The following RBFOX1 variants were observed in gnomAD, a reference collection of about 807,000 sequenced individuals.
The protein encoded by RBFOX1 is RNA binding fox-1 homolog 1, also known as RNA binding protein fox-1 homolog 1.
RBFOX1 carries 8 observed loss-of-function variants against 57.7 expected under a neutral mutation model. The observed-to-expected ratio is 0.14, with a 90% CI of 0.08 to 0.25. RBFOX1 has a LOEUF of 0.25. RBFOX1 is among the 10% of genes least tolerant of loss of function. The pLI, the probability that RBFOX1 is intolerant of heterozygous loss-of-function variation, is 1.00. For synonymous variants in RBFOX1, 326 were observed against 222.4 expected (o/e 1.47, Z -4.15); for missense variants, 611 against 548.5 (o/e 1.11, Z -1.14).
chr16:6,539,511 C>G (rs554244462), intron 2 of RBFOX1, among the ~76,000 whole-genome samples: 1 of 152,100 alleles, frequency 6.6e-6, no homozygotes, highest in Admixed American at 6.5e-5. Context: ...AAAACACACA[C>G]GTACAGTCAG....
intron 3 of RBFOX1, among the ~76,000 whole-genome samples, chr16:5,642,509 C>A (rs1234600591): frequency 2.0e-5 from 3 of 152,188 alleles, no homozygotes; most frequent in African/African-American, 7.2e-5. Context: ...TTAAATGCTG[C>A]AATCTGAGGC....
intron 3 of RBFOX1, among the ~76,000 whole-genome samples, chr16:5,836,213 G>A (rs1339129489): frequency 6.6e-6 from 1 of 152,170 alleles, no homozygotes; most frequent in East Asian, 1.9e-4. Flanking sequence ...GTGAGGCTGG[G>A]CCCAGGGGAG....
At chr16:7,547,586 C>T (rs188645981) in intron 5 of RBFOX1, among the ~76,000 whole-genome samples, 1 of 152,158 alleles carries the variant, frequency 6.6e-6, no homozygotes, top group Admixed American at 6.5e-5. Flanking sequence ...AGTCAGTTGA[C>T]CACACTGCTG....
At chr16:7,529,300 C>A (rs1431495096) in intron 5 of RBFOX1, among the ~76,000 whole-genome samples, 1 of 152,168 alleles carries the variant, frequency 6.6e-6, no homozygotes, top group East Asian at 1.9e-4. Flanking sequence ...AACTCAAATA[C>A]TTTCACATCC....
chr16:5,277,427 T>C (rs904403756), intron 1 of RBFOX1, among the ~76,000 whole-genome samples: 1 of 151,450 alleles, frequency 6.6e-6, no homozygotes, highest in African/African-American at 2.4e-5. Context: ...AAATACCACC[T>C]GTTCCCTAAA....
intron 1 of RBFOX1, among the ~76,000 whole-genome samples, chr16:6,236,744 T>C (rs2097507880): frequency 6.6e-6 from 1 of 152,136 alleles, no homozygotes; most frequent in African/African-American, 2.4e-5. Flanking sequence ...AGCCACCACG[T>C]CTGGCCTTAT....
At chr16:6,450,613 A>G (rs907267505) in intron 2 of RBFOX1, among the ~76,000 whole-genome samples, 2 of 149,468 alleles carry the variant, frequency 1.3e-5, no homozygotes, top group African/African-American at 4.9e-5. Context: ...CCCTGTTTCC[A>G]TTTCTTTACT....
At chr16:6,750,498 TC>T (rs1193598550) in intron 3 of RBFOX1, among the ~76,000 whole-genome samples, 1 of 152,234 alleles carries the variant, frequency 6.6e-6, no homozygotes, top group African/African-American at 2.4e-5. Flanking sequence ...GACATATGTT[TC>T]TTGATACGCT....
chr16:5,256,507 G>A lies in RBFOX1; in HGVS notation c.219+16402G>A, dbSNP rs545151937. ...CTTCTCTCCCAGGACTGCTAGGAAG[G>A]CAAGATTAGATGGCAGATGAGAGCT... On this transcript the variant is annotated intron_variant, in intron 1 of 2. Coordinates refer to the RBFOX1 transcript ENST00000585867. Among the ~76,000 whole-genome samples the A allele has an allele frequency of 1.2e-3, 182 of 152,326 alleles. 1 individual carries two copies. The highest frequency in any genetic ancestry group is 4.2e-3 in the African/African-American group (175 of 41,576).
chr16:5,518,354 A>AT (rs76890519), intron 2 of RBFOX1, among the ~76,000 whole-genome samples: 50 of 151,778 alleles, frequency 3.3e-4, no homozygotes, highest in African/African-American at 1.0e-3. Context: ...CCAAAGTGAC[A>AT]TTTTTTTTGA....
chr16:7,431,586 CACGTA>C (rs2098680724), intron 4 of RBFOX1, among the ~76,000 whole-genome samples: 1 of 152,174 alleles, frequency 6.6e-6, no homozygotes, highest in African/African-American at 2.4e-5. Context: ...TGGTAAAATA[CACGTA>C]ACATAAAATG....
rs143803516 is a variant in RBFOX1, at chr16:5,363,242, G to A, written c.220-103974G>A. 1.2e-4 allele frequency among the ~76,000 whole-genome samples: 18 copies of A among 145,524 alleles called. No homozygotes were observed. In the East Asian group the frequency reaches 3.6e-3, roughly 29 times the overall value. ...GTATTTTTAGTAGAGACAGGATTTCGCCATGTTGGCAAGGCCGGTCTTGAA... is the reference window on the plus strand; with the variant it reads ...GTATTTTTAGTAGAGACAGGATTTCACCATGTTGGCAAGGCCGGTCTTGAA... On this transcript the variant is annotated intron_variant, in intron 1 of 2. Coordinates refer to the RBFOX1 transcript ENST00000585867.
chr16:6,793,921 A>G (rs1411691933), intron 3 of RBFOX1, among the ~76,000 whole-genome samples: 2 of 152,134 alleles, frequency 1.3e-5, no homozygotes, highest in African/African-American at 4.8e-5. Context: ...GCAGTAGTCC[A>G]GGGGAGTGAT....
chr16:5,675,255 TAGAA>T (rs1365972452), intron 3 of RBFOX1, among the ~76,000 whole-genome samples: 3 of 151,624 alleles, frequency 2.0e-5, no homozygotes, highest in Non-Finnish European at 2.9e-5. Flanking sequence ...CACACACACA[TAGAA>T]AGAGAGTGAA....
At chr16:5,808,828 A>G (rs4587981) in intron 3 of RBFOX1, among the ~76,000 whole-genome samples, 34,459 of 152,060 alleles carry the variant, frequency 0.23, 4,522 homozygotes, top group East Asian at 0.48. Flanking sequence ...GGCTGAGACA[A>G]TGGGGTTTTC....
intron 2 of RBFOX1, chr16:6,576,895 A>C (rs762733700): frequency 1.3e-5 from 2 of 152,338 alleles, no homozygotes; most frequent in Non-Finnish European, 1.5e-5. Context: ...CTAATAATTT[A>C]TGTTCCTCAT....
Position 6,611,511 on chromosome 16 carries a change from G to GCC in RBFOX1, c.-63-43088_-63-43087dup, listed in dbSNP as rs542343017. ...GGAGAGGTCTCCTTGGATGCTCTTT[G>GCC]CCCCCGTGTGATTCTGGTACTCATA... On this transcript the variant is annotated intron_variant, in intron 2 of 15. Coordinates refer to ENST00000550418, the MANE Select transcript of RBFOX1 (RefSeq NM_018723.4). Among the ~76,000 whole-genome samples, 518 of 152,154 alleles carry GCC rather than the reference G, an allele frequency of 3.4e-3. 3 individuals are homozygous for GCC. The highest frequency in any genetic ancestry group is 6.2e-3 in the Non-Finnish European group (423 of 67,988).
intron 2 of RBFOX1, among the ~76,000 whole-genome samples, chr16:6,527,244 G>T (rs535839850): frequency 2.0e-5 from 3 of 151,960 alleles, no homozygotes; most frequent in Non-Finnish European, 2.9e-5. Flanking sequence ...GTAAAGACGC[G>T]TTACCAGTTT....
chr16:5,943,829 C>T (rs1032801995), intron 4 of RBFOX1, among the ~76,000 whole-genome samples: 6 of 152,160 alleles, frequency 3.9e-5, no homozygotes, highest in African/African-American at 7.2e-5. Flanking sequence ...ACCCATCCAT[C>T]GACCCACCCA....
Sources: allele counts gnomAD v4.1 joint callset (sites outside exome capture counted in the v4.1 genomes callset), GRCh38; gene constraint gnomAD v4.1.1; transcripts MANE v1.5; gene names NCBI Gene and HGNC (gene_info 2026-07-23, HGNC 2026-07-21).